The following FGF7 variants were observed in gnomAD, a reference collection of about 807,000 sequenced individuals.
FGF7 encodes fibroblast growth factor 7.
FGF7 carries 6 observed loss-of-function variants against 20.5 expected under a neutral mutation model. That is an observed-to-expected ratio of 0.29 (90% confidence interval 0.16 to 0.58). The LOEUF (loss-of-function observed/expected upper bound fraction) is 0.58, where lower values mean the gene tolerates loss of function less well. Ranked by LOEUF, FGF7 falls within the 20% of genes least tolerant of loss-of-function variation. FGF7 has a pLI of 0.90. For missense variants in FGF7, 144 were observed against 228.8 expected, an observed-to-expected ratio of 0.63 and a Z score of 2.39; for synonymous variants, 64 against 74.7, an observed-to-expected ratio of 0.86 and a Z score of 0.74.
At chr15:49,456,262 T>C (rs2053276344) in intron 2 of FGF7, among the ~76,000 whole-genome samples, 1 of 152,092 alleles carries the variant, frequency 6.6e-6, no homozygotes, top group Non-Finnish European at 1.5e-5. Context: ...TCCCAAAATG[T>C]GTTTGATGAT....
At chr15:49,428,274 T>C (rs1346086790) in intron 2 of FGF7, among the ~76,000 whole-genome samples, 1 of 151,956 alleles carries the variant, frequency 6.6e-6, no homozygotes, top group African/African-American at 2.4e-5. Flanking sequence ...TAACAGTGGG[T>C]TTCCAGGTGA....
At chr15:49,447,853 T>C (rs1390681512) in intron 2 of FGF7, among the ~76,000 whole-genome samples, 1 of 151,698 alleles carries the variant, frequency 6.6e-6, no homozygotes, top group South Asian at 2.1e-4. Context: ...CGAGAATGAA[T>C]TGAATAAACA....
At chr15:49,471,072 A>G (rs895064154) in intron 2 of FGF7, among the ~76,000 whole-genome samples, 16 of 152,352 alleles carry the variant, frequency 1.1e-4, no homozygotes, top group African/African-American at 3.6e-4. Flanking sequence ...ACTCTTTTCT[A>G]TGCTACAGCT....
intron 2 of FGF7, among the ~76,000 whole-genome samples, chr15:49,454,109 A>G (rs1378826335): frequency 6.6e-6 from 1 of 152,178 alleles, no homozygotes; most frequent in Non-Finnish European, 1.5e-5. Flanking sequence ...CTTTACCTCT[A>G]ATTAATGTAC....
At chr15:49,433,746 C>T (rs1044511094) in intron 2 of FGF7, among the ~76,000 whole-genome samples, 1 of 151,630 alleles carries the variant, frequency 6.6e-6, no homozygotes, top group African/African-American at 2.4e-5. Flanking sequence ...TAGTGAAGAC[C>T]AATTCTAGAG....
At chr15:49,470,447 A>G (rs528479901) in intron 2 of FGF7, among the ~76,000 whole-genome samples, 1 of 152,262 alleles carries the variant, frequency 6.6e-6, no homozygotes, top group Admixed American at 6.5e-5. Flanking sequence ...TGATTTTCTT[A>G]TGCCAAATTT....
Position 49,424,420 on chromosome 15 carries a change from T to C in FGF7, c.123T>C (p.Ala41=), listed in dbSNP as rs780482125. The change falls in exon 2 of 4, where the codon GCT becomes GCC. Residue 41 remains alanine, a synonymous_variant. Coordinates refer to ENST00000267843, the MANE Select transcript of FGF7 (RefSeq NM_002009.4). ...ACNDMTPEQM[A]TNVNCSSPER... is the part of the protein sequence containing the mutation. ...ATGACATGACTCCAGAGCAAATGGC[T>C]ACAAATGTGAACTGTTCCAGCCCTG... The C allele has an allele frequency of 1.2e-6, 2 of 1,613,602 alleles. No homozygotes were observed. The highest frequency in any genetic ancestry group is 2.7e-5 in the African/African-American group (2 of 74,874).
intron 2 of FGF7, among the ~76,000 whole-genome samples, chr15:49,459,178 A>T (rs1013690198): frequency 1.3e-5 from 2 of 150,916 alleles, no homozygotes; most frequent in African/African-American, 2.4e-5. Context: ...TATGTTTCTC[A>T]CACCACATTG....
chr15:49,447,446 T>C (rs1489750347), intron 2 of FGF7, among the ~76,000 whole-genome samples: 9 of 151,632 alleles, frequency 5.9e-5, no homozygotes, highest in Non-Finnish European at 1.5e-5. Context: ...CAGATGTGCA[T>C]TACAAGAGTC....
intron 2 of FGF7, chr15:49,425,239 A>G (rs911590675): frequency 1.3e-5 from 2 of 151,992 alleles, no homozygotes; most frequent in South Asian, 2.1e-4. Context: ...GTTCTGTGCT[A>G]TCTTAAGAAA....
intron 2 of FGF7, among the ~76,000 whole-genome samples, chr15:49,431,375 C>T (rs565850408): frequency 6.6e-6 from 1 of 151,834 alleles, no homozygotes; most frequent in South Asian, 2.1e-4. Context: ...AATTCACTAA[C>T]AAAAATGTCA....
Position 49,488,317 on chromosome 15 carries a change from C to A in FGF7, c.*3813C>A, listed in dbSNP as rs963455836. The A allele has an allele frequency of 1.3e-5, 2 of 151,986 alleles. No homozygotes were observed. Among genetic ancestry groups the A allele is most frequent in the African/African-American group, 4.8e-5 (2 of 41,428 alleles). The allele number at this position is 151,986 out of a possible 1,614,324, so 9.4% of individuals were successfully genotyped here. On this transcript the variant is annotated 3_prime_UTR_variant, in exon 4 of 4. Transcript: ENST00000267843. ...GTACAGTATTTATTCAACCAAGCTGCTGCTTTCAATGAAGGTCACTTGTTC... is the reference window on the plus strand; with the variant it reads ...GTACAGTATTTATTCAACCAAGCTGATGCTTTCAATGAAGGTCACTTGTTC...
rs775868094 is a variant in FGF7, at chr15:49,484,432, G to T, written c.513G>T (p.Gly171=). ...TGTTTGTTGCCTTAAATCAAAAGGG[G>T]ATTCCTGTAAGAGGAAAAAAAACGA... ...GEMFVALNQK[G]IPVRGKKTKK... Residue 171 remains glycine, a synonymous_variant, in exon 4 of 4, where the codon GGG becomes GGT. Coordinates refer to ENST00000267843, the MANE Select transcript of FGF7 (RefSeq NM_002009.4). The T allele has an allele frequency of 1.6e-5, 26 of 1,590,860 alleles. No homozygotes were observed. Among genetic ancestry groups the T allele is most frequent in the Non-Finnish European group, 2.0e-5 (24 of 1,176,806 alleles).
chr15:49,435,671 T>A (rs758111204), intron 2 of FGF7, among the ~76,000 whole-genome samples: 2 of 151,578 alleles, frequency 1.3e-5, no homozygotes, highest in Non-Finnish European at 3.0e-5. Flanking sequence ...TGGCCAGATA[T>A]TGAATAATAA....
intron 2 of FGF7, among the ~76,000 whole-genome samples, chr15:49,456,175 G>A (rs1044454249): frequency 1.2e-4 from 18 of 151,970 alleles, no homozygotes; most frequent in African/African-American, 4.3e-4. Context: ...TTCCAGATAT[G>A]CTATATTTCA....
At chr15:49,427,752 A>T (rs532409387) in intron 2 of FGF7, among the ~76,000 whole-genome samples, 2 of 151,956 alleles carry the variant, frequency 1.3e-5, no homozygotes, top group African/African-American at 4.8e-5. Flanking sequence ...ACTAGTAAAT[A>T]TGGATTGGAG....
chr15:49,443,105 G>A (rs766538316), intron 2 of FGF7, among the ~76,000 whole-genome samples: 12 of 151,590 alleles, frequency 7.9e-5, no homozygotes, highest in Non-Finnish European at 1.3e-4. Flanking sequence ...ATATTTGGTG[G>A]TCTGCTGAAG....
intron 2 of FGF7, among the ~76,000 whole-genome samples, chr15:49,446,873 A>G (rs1000258154): frequency 3.3e-5 from 5 of 151,552 alleles, no homozygotes; most frequent in African/African-American, 1.2e-4. Context: ...AGAAGTGAGG[A>G]AGGAGTGCTC....
rs1299114434 is a variant in FGF7, at chr15:49,487,185, A to G, written c.*2681A>G. 1 of 151,880 alleles carries G rather than the reference A, an allele frequency of 6.6e-6. No homozygotes were observed. 9.4% of individuals were successfully genotyped at this position (151,880 alleles called of 1,614,324 possible). On this transcript the variant is annotated 3_prime_UTR_variant, in exon 4 of 4. Transcript: ENST00000267843. ...TTGACTCAAAAGGAGAAAAGAAATT[A>G]TGTAGTTTTCAATTCTGATTCCTAT...
Sources: allele counts gnomAD v4.1 joint callset (sites outside exome capture counted in the v4.1 genomes callset), GRCh38; gene constraint gnomAD v4.1.1; transcripts MANE v1.5; gene names NCBI Gene and HGNC (gene_info 2026-07-23, HGNC 2026-07-21).